The following THSD7B variants were observed in gnomAD, a reference collection of about 807,000 sequenced individuals.
THSD7B encodes thrombospondin type 1 domain containing 7B.
In THSD7B, 138 loss-of-function variants were observed where a neutral mutation model predicts 213.6. The ratio of observed to expected loss-of-function variants is 0.65; its 90% confidence interval spans 0.56 to 0.74. The LOEUF (loss-of-function observed/expected upper bound fraction) is 0.74. Among genes scored for constraint, THSD7B ranks in the 30% least tolerant of loss-of-function variants. THSD7B has a pLI of 0.00. For missense variants in THSD7B, 1,931 were observed against 1,991.5 expected, an observed-to-expected ratio of 0.97 and a Z score of 0.58; for synonymous variants, 742 against 687.0, an observed-to-expected ratio of 1.08 and a Z score of -1.25.
intron 10 of THSD7B, among the ~76,000 whole-genome samples, chr2:137,269,549 G>A (rs1225250444): frequency 6.6e-6 from 1 of 151,940 alleles, no homozygotes; most frequent in Non-Finnish European, 1.5e-5. Flanking sequence ...AGACTCCTAA[G>A]GTAATATTTG....
chr2:137,670,907 T>C (rs556530376), intron 27 of THSD7B, among the ~76,000 whole-genome samples: 348 of 127,044 alleles, frequency 2.7e-3, no homozygotes, highest in African/African-American at 9.4e-3. Flanking sequence ...GGCGACAGAG[T>C]GAGACTCCGC....
At chr2:136,844,760 G>A (rs1682980882) in intron 1 of THSD7B, among the ~76,000 whole-genome samples, 1 of 152,206 alleles carries the variant, frequency 6.6e-6, no homozygotes, top group South Asian at 2.1e-4. Context: ...GCTACAGAGA[G>A]CTTGCTTGCC....
At chr2:136,997,893 C>A (rs372071715) in intron 2 of THSD7B, among the ~76,000 whole-genome samples, 1 of 151,948 alleles carries the variant, frequency 6.6e-6, no homozygotes, top group African/African-American at 2.4e-5. Flanking sequence ...GCCAGTCAAG[C>A]GGGAGGACAT....
chr2:137,072,479 CT>C (rs1687513997), intron 3 of THSD7B, among the ~76,000 whole-genome samples: 1 of 152,084 alleles, frequency 6.6e-6, no homozygotes, highest in African/African-American at 2.4e-5. Context: ...GCTGAAGTTG[CT>C]TATCAGCTTA....
chr2:137,363,948 T>C (rs1685338167), intron 12 of THSD7B, among the ~76,000 whole-genome samples: 1 of 152,132 alleles, frequency 6.6e-6, no homozygotes, highest in Admixed American at 6.5e-5. Flanking sequence ...AAAAAGAGAA[T>C]TTTAGACCAA....
chr2:137,605,695 A>G (rs1682162256), intron 17 of THSD7B, among the ~76,000 whole-genome samples: 4 of 94,152 alleles, frequency 4.2e-5, no homozygotes, highest in East Asian at 3.7e-4. Flanking sequence ...TTTGAGACGG[A>G]GTCCTGCTCC....
chr2:137,095,228 C>T (rs1206292917), intron 4 of THSD7B, 107 bp downstream of exon 4: 1 of 1,444,904 alleles, frequency 6.9e-7, no homozygotes, highest in South Asian at 1.4e-5. Flanking sequence ...TGAGTCTTCA[C>T]TCAGTATACA....
chr2:136,812,681 CTT>C (rs1297410254), intron 1 of THSD7B, among the ~76,000 whole-genome samples: 5 of 152,304 alleles, frequency 3.3e-5, no homozygotes, highest in Non-Finnish European at 5.9e-5. Flanking sequence ...AGTTGAGAAA[CTT>C]TAAGCAATTT....
chr2:137,315,034 C>A (rs1451081706), intron 12 of THSD7B, among the ~76,000 whole-genome samples: 1 of 152,232 alleles, frequency 6.6e-6, no homozygotes, highest in Non-Finnish European at 1.5e-5. Flanking sequence ...TTGGGCTCCA[C>A]CCAGTTCGAG....
chr2:137,494,345 A>G (rs913301991), intron 15 of THSD7B, among the ~76,000 whole-genome samples: 2 of 152,192 alleles, frequency 1.3e-5, no homozygotes, highest in East Asian at 3.9e-4. Flanking sequence ...CAACTAAAAA[A>G]AATTCCTTGG....
intron 13 of THSD7B, among the ~76,000 whole-genome samples, chr2:137,406,618 T>C (rs1686524747): frequency 6.6e-6 from 1 of 152,200 alleles, no homozygotes; most frequent in Non-Finnish European, 1.5e-5. Flanking sequence ...GCTAATTCTG[T>C]TGGTTTCAAG....
intron 5 of THSD7B, among the ~76,000 whole-genome samples, chr2:137,142,208 G>A (rs1336445508): frequency 1.3e-5 from 2 of 152,140 alleles, no homozygotes; most frequent in African/African-American, 4.8e-5. Flanking sequence ...TCAAGGTAAA[G>A]GAATCTAGTG....
At chr2:136,923,900 G>T (rs1328886622) in intron 2 of THSD7B, among the ~76,000 whole-genome samples, 1 of 152,052 alleles carries the variant, frequency 6.6e-6, no homozygotes, top group Non-Finnish European at 1.5e-5. Flanking sequence ...TCATTCTGCA[G>T]GTAACTTTTT....
chr2:137,528,850 A>G (rs1680328326), intron 15 of THSD7B, among the ~76,000 whole-genome samples: 1 of 152,090 alleles, frequency 6.6e-6, no homozygotes, highest in Non-Finnish European at 1.5e-5. Flanking sequence ...TGTACGTAGG[A>G]TAGAGAACAC....
At chr2:137,549,050 G>GAAAGT (rs1359860180) in intron 15 of THSD7B, among the ~76,000 whole-genome samples, 1 of 152,008 alleles carries the variant, frequency 6.6e-6, no homozygotes, top group African/African-American at 2.4e-5. Context: ...AGTCCATAAG[G>GAAAGT]AAAGTAAAGG....
chr2:136,856,186 CTG>C (rs1190116277), intron 1 of THSD7B, among the ~76,000 whole-genome samples: 1 of 152,148 alleles, frequency 6.6e-6, no homozygotes, highest in Non-Finnish European at 1.5e-5. Flanking sequence ...ATGGTAGACT[CTG>C]GCTTGTTGAA....
intron 7 of THSD7B, among the ~76,000 whole-genome samples, chr2:137,189,401 C>A (rs949766769): frequency 1.3e-5 from 2 of 152,158 alleles, no homozygotes; most frequent in Non-Finnish European, 2.9e-5. Context: ...TGAGCCTTTG[C>A]TTGTCCACAT....
At chr2:137,468,517 C>T (rs1040122311) in intron 15 of THSD7B, among the ~76,000 whole-genome samples, 9 of 151,392 alleles carry the variant, frequency 5.9e-5, no homozygotes, top group South Asian at 4.2e-4. Context: ...TTATGAGTCT[C>T]CAAGGGCTGA....
intron 6 of THSD7B, among the ~76,000 whole-genome samples, chr2:137,168,332 C>A (rs971765915): frequency 6.6e-6 from 1 of 152,172 alleles, no homozygotes; most frequent in Admixed American, 6.5e-5. Context: ...TGGCCCCCAA[C>A]CACTATGGAC....
Sources: gnomAD v4.1 joint callset for allele counts (sites outside exome capture counted in the v4.1 genomes callset) on GRCh38, gnomAD v4.1.1 for gene constraint, MANE v1.5 for transcripts, NCBI Gene and HGNC (gene_info 2026-07-23, HGNC 2026-07-21) for gene names.